Variants in PDE3B observed in about 807,000 individuals in gnomAD.
PDE3B encodes the protein phosphodiesterase 3B.
PDE3B carries 66 observed loss-of-function variants against 116.8 expected under a neutral mutation model. The ratio of observed to expected loss-of-function variants is 0.56; its 90% CI spans 0.46 to 0.69. PDE3B has a LOEUF of 0.69. PDE3B is among the 30% of genes least tolerant of loss of function. PDE3B has a pLI of 0.00. For synonymous variants in PDE3B, 595 were observed against 533.6 expected, an observed-to-expected ratio of 1.12 and a Z score of -1.59; for missense variants, 1,384 against 1,368.1, an observed-to-expected ratio of 1.01 and a Z score of -0.18.
chr11:14,783,773 A>G (rs1282055269), intron 2 of PDE3B, among the ~76,000 whole-genome samples: 1 of 152,168 alleles, frequency 6.6e-6, no homozygotes, highest in African/African-American at 2.4e-5. Context: ...ATAAAAAAAA[A>G]GAATGAAGGG....
intron 1 of PDE3B, among the ~76,000 whole-genome samples, chr11:14,691,393 A>G (rs184867895): frequency 1.6e-3 from 240 of 152,246 alleles, no homozygotes; most frequent in Middle Eastern, 6.8e-3. Context: ...GAATTTTTTG[A>G]CTTATTAAGT....
chr11:14,673,749 C>T (rs566489013), intron 1 of PDE3B: 11 of 771,726 alleles, frequency 1.4e-5, no homozygotes, highest in East Asian at 7.4e-5. Flanking sequence ...TGCTCCAATT[C>T]GTACAAGTAA....
At chr11:14,809,472 G>T (rs1365872712) in intron 5 of PDE3B, among the ~76,000 whole-genome samples, 1 of 152,182 alleles carries the variant, frequency 6.6e-6, no homozygotes, top group Non-Finnish European at 1.5e-5. Flanking sequence ...AAATAAGGCA[G>T]TCACAAAAGA....
chr11:14,665,361 A>G (rs1565080783), intron 1 of PDE3B, among the ~76,000 whole-genome samples: 1 of 152,224 alleles, frequency 6.6e-6, no homozygotes, highest in Non-Finnish European at 1.5e-5. Flanking sequence ...CTGGCACAAG[A>G]CAGGGATGCT....
chr11:14,876,305 C>T (rs1848188597), downstream of PDE3B, among the ~76,000 whole-genome samples: 1 of 151,886 alleles, frequency 6.6e-6, no homozygotes, highest in Admixed American at 6.6e-5. Flanking sequence ...CTGCTTGAGC[C>T]CAGGAGTTCA....
chr11:14,800,708 G>A (rs756367945), intron 4 of PDE3B, among the ~76,000 whole-genome samples: 10 of 152,156 alleles, frequency 6.6e-5, no homozygotes, highest in Non-Finnish European at 1.0e-4. Context: ...GGCCTGTCTT[G>A]TTAGGTTGGG....
chr11:14,676,214 A>G (rs1854527008), intron 1 of PDE3B, among the ~76,000 whole-genome samples: 1 of 152,144 alleles, frequency 6.6e-6, no homozygotes, highest in Non-Finnish European at 1.5e-5. Flanking sequence ...GTTGTTTTAG[A>G]CAGTCATGCG....
the PDE3B span, chr11:14,890,537 C>CTTTTTTTTTTTTTTTTT: frequency 9.3e-5 from 6 of 64,276 alleles, 2 homozygotes; most frequent in South Asian, 1.5e-3. Flanking sequence ...TAGACCAATT[C>CTTTTTTTTTTTTTTTTT]TTTTTTTTTT....
the PDE3B span, among the ~76,000 whole-genome samples, chr11:14,885,446 C>G: frequency 4.6e-5 from 7 of 152,250 alleles, no homozygotes; most frequent in African/African-American, 1.7e-4. Flanking sequence ...GTACTCAAGA[C>G]TAGGTTCAAA....
intron 1 of PDE3B, among the ~76,000 whole-genome samples, chr11:14,765,683 A>G (rs1857478451): frequency 6.6e-6 from 1 of 151,562 alleles, no homozygotes; most frequent in African/African-American, 2.4e-5. Context: ...TAATAATGGA[A>G]GCTCCTAAAA....
At chr11:14,818,620 A>T (rs925957976) in intron 6 of PDE3B, among the ~76,000 whole-genome samples, 3 of 152,088 alleles carry the variant, frequency 2.0e-5, no homozygotes, top group African/African-American at 4.8e-5. Context: ...ACTGTATTTT[A>T]ATAAAGTATT....
chr11:14,818,433 T>A, intron 6 of PDE3B, 40 bp downstream of exon 6: 1 of 1,363,146 alleles, frequency 7.3e-7, no homozygotes, highest in Non-Finnish European at 1.0e-6. Flanking sequence ...TTTCAAAATG[T>A]TGATTACAGT....
intron 12 of PDE3B, among the ~76,000 whole-genome samples, chr11:14,844,841 A>C (rs1847558507): frequency 1.3e-5 from 2 of 152,228 alleles, no homozygotes; most frequent in African/African-American, 4.8e-5. Context: ...GGGAAGCTCG[A>C]ACTGGGTGGA....
intron 1 of PDE3B, among the ~76,000 whole-genome samples, chr11:14,692,553 G>A (rs1052845701): frequency 4.6e-5 from 7 of 152,026 alleles, no homozygotes; most frequent in South Asian, 2.1e-4. Context: ...TAATTCTTGC[G>A]AAAAATTTTT....
chr11:14,738,138 G>C (rs1446954235), intron 1 of PDE3B, among the ~76,000 whole-genome samples: 1 of 151,984 alleles, frequency 6.6e-6, no homozygotes, highest in Non-Finnish European at 1.5e-5. Context: ...ATACCCAGTA[G>C]TGGGATGGCT....
intron 4 of PDE3B, among the ~76,000 whole-genome samples, chr11:14,791,818 G>T (rs1422344400): frequency 6.6e-6 from 1 of 152,034 alleles, no homozygotes; most frequent in African/African-American, 2.4e-5. Flanking sequence ...GGATGCTTGA[G>T]TCCTTTATAT....
intron 5 of PDE3B, among the ~76,000 whole-genome samples, chr11:14,815,396 G>C (rs997076481): frequency 6.6e-6 from 1 of 152,102 alleles, no homozygotes; most frequent in Non-Finnish European, 1.5e-5. Flanking sequence ...AGCTGGGAAT[G>C]AATCGGCTGC....
chr11:14,692,998 C>T (rs1004843308), intron 1 of PDE3B, among the ~76,000 whole-genome samples: 9 of 152,184 alleles, frequency 5.9e-5, no homozygotes, highest in Admixed American at 5.9e-4. Context: ...ATTAAAAGCG[C>T]TTCTCCAGTG....
chr11:14,706,110 C>T (rs1238683726), intron 1 of PDE3B, among the ~76,000 whole-genome samples: 2 of 151,590 alleles, frequency 1.3e-5, no homozygotes, highest in East Asian at 3.9e-4. Context: ...TTTTTACCTT[C>T]CTTTCTCCCC....
Sources: gnomAD v4.1 joint callset for allele counts (sites outside exome capture counted in the v4.1 genomes callset) on GRCh38, gnomAD v4.1.1 for gene constraint, MANE v1.5 for transcripts, NCBI Gene and HGNC (gene_info 2026-07-23, HGNC 2026-07-21) for gene names.